PREX1: variants seen among roughly 807,000 people sequenced by gnomAD.
PREX1 encodes the protein phosphatidylinositol-3,4,5-trisphosphate dependent Rac exchange factor 1.
Under a neutral mutation model 198.3 loss-of-function variants are expected in PREX1, and 41 were observed. That is an observed-to-expected ratio of 0.21 (90% CI 0.16 to 0.27). The LOEUF is 0.27. PREX1 is among the 10% of genes least tolerant of loss of function. The probability of loss-of-function intolerance (pLI) is 1.00; values close to 1 mark genes in which losing one functional copy is unlikely to be tolerated. For missense variants in PREX1, 1,620 were observed against 2,200.7 expected (o/e 0.74, Z 5.28); for synonymous variants, 843 against 887.2 (o/e 0.95, Z 0.89).
Position 48,625,135 on chromosome 20 carries a change from C to T in PREX1, c.*750G>A, listed in dbSNP as rs1170471116. On this transcript the variant is annotated 3_prime_UTR_variant, in exon 40 of 40. Transcript: ENST00000371941. ...GTCCCCTGTTAGACAACATACCTTT[C>T]TTTGAAATGTAAAATGTCAAATATA... 2 of 152,444 alleles carry T rather than the reference C, an allele frequency of 1.3e-5. No homozygotes were observed. The highest frequency in any genetic ancestry group is 4.8e-5 in the African/African-American group (2 of 41,372). The allele number at this position is 152,444 out of a possible 1,614,324, so 9.4% of individuals were successfully genotyped here.
chr20:48,650,272 C>A, intron 23 of PREX1, 66 bp from the exon 24 acceptor site: 1 of 1,476,166 alleles, frequency 6.8e-7, no homozygotes, highest in Non-Finnish European at 9.4e-7. Flanking sequence ...GGCCCATACC[C>A]AGTACCCACT....
intron 1 of PREX1, among the ~76,000 whole-genome samples, chr20:48,790,630 C>G (rs2090334531): frequency 6.6e-6 from 1 of 152,086 alleles, no homozygotes; most frequent in Non-Finnish European, 1.5e-5. Flanking sequence ...TTAGAGCCTG[C>G]AATATGCTGA....
At chr20:48,875,578 G>T in the PREX1 span, among the ~76,000 whole-genome samples, 13 of 152,196 alleles carry the variant, frequency 8.5e-5, no homozygotes, top group Admixed American at 6.5e-4. Flanking sequence ...TGTACGTTGT[G>T]TGATGACTCT....
At chr20:48,640,449 G>A (rs1568795637) in intron 29 of PREX1, among the ~76,000 whole-genome samples, 1 of 152,224 alleles carries the variant, frequency 6.6e-6, no homozygotes, top group Non-Finnish European at 1.5e-5. Flanking sequence ...CTTTCCTCCT[G>A]CAAGGTCCCA....
In PREX1 at chr20:48,692,794, A is replaced by T. The variant is rs371934010; in HGVS notation, c.918-4T>A. 2.3e-5 allele frequency: 37 copies of T among 1,612,034 alleles called. No individual in the cohort carries two copies. The highest frequency in any genetic ancestry group is 3.1e-5 in the Non-Finnish European group (36 of 1,178,414). ...GGACTTCTTGCTCCCGGTGACCCTG[A>T]TAGACAGTGAGAAGTCAGTGTCCCC... On this transcript the variant is annotated splice_polypyrimidine_tract_variant and splice_region_variant and intron_variant, in intron 7 of 39. Coordinates refer to ENST00000371941, the MANE Select transcript of PREX1 (RefSeq NM_020820.4).
At chr20:48,886,632 G>A in the PREX1 span, among the ~76,000 whole-genome samples, 7 of 152,178 alleles carry the variant, frequency 4.6e-5, no homozygotes, top group Non-Finnish European at 8.8e-5. Context: ...GGACAAAGGC[G>A]CTCAGTCTCA....
chr20:48,818,422 A>G (rs796892975), intron 1 of PREX1, among the ~76,000 whole-genome samples: 4 of 152,378 alleles, frequency 2.6e-5, no homozygotes, highest in African/African-American at 9.6e-5. Context: ...GCGACATTCC[A>G]GGCCAGACTA....
intron 1 of PREX1, among the ~76,000 whole-genome samples, chr20:48,785,559 A>G (rs2122939778): frequency 6.6e-6 from 1 of 152,374 alleles, no homozygotes; most frequent in South Asian, 2.1e-4. Flanking sequence ...GCCTGGCACC[A>G]GATAGCAGAG....
At chr20:48,856,902 T>A in the PREX1 span, among the ~76,000 whole-genome samples, 1 of 152,240 alleles carries the variant, frequency 6.6e-6, no homozygotes, top group Non-Finnish European at 1.5e-5. Flanking sequence ...TGCAGTAGCA[T>A]GATCTCGGTT....
chr20:48,672,929 G>A (rs1264123632), intron 14 of PREX1, among the ~76,000 whole-genome samples: 1 of 152,106 alleles, frequency 6.6e-6, no homozygotes, highest in South Asian at 2.1e-4. Context: ...TCACCAGAAC[G>A]TAATATCTGG....
In PREX1 at chr20:48,676,212, A is replaced by C; in HGVS notation, c.1646T>G (p.Val549Gly). Reference protein sequence around the residue: ...YKSVLPGSKLVDWLLAQGDCQ... With the variant: ...YKSVLPGSKLGDWLLAQGDCQ... ...CCTCACCTGAGCCAGCAGCCAGTCC[A>C]CCAGCTTGCTCCCGGGAAGCACTGA... is the stretch of plus-strand genomic sequence containing the variant. Residue 549 changes from valine (V) to glycine (G), a missense_variant, in exon 14 of 40, where the codon GTG becomes GGG. Val to Gly is a moderately radical substitution (Grantham distance 109). Around this residue, in one of 7 missense-constraint regions of PREX1, gnomAD observed 488 missense variants for 802.5 expected, o/e 0.61. Coordinates refer to ENST00000371941, the MANE Select transcript of PREX1 (RefSeq NM_020820.4). 1 of 1,614,100 alleles carries C rather than the reference A, an allele frequency of 6.2e-7. No homozygotes were observed. The highest frequency in any genetic ancestry group is 8.5e-7 in the Non-Finnish European group (1 of 1,179,982).
At chr20:48,708,833 G>C (rs34240673) in intron 5 of PREX1, among the ~76,000 whole-genome samples, 1 of 151,998 alleles carries the variant, frequency 6.6e-6, no homozygotes, top group Non-Finnish European at 1.5e-5. Context: ...AAAGGAGGCA[G>C]TGTGTCTGGG....
At chr20:48,809,055 A>C (rs1247617408) in intron 1 of PREX1, among the ~76,000 whole-genome samples, 1 of 152,156 alleles carries the variant, frequency 6.6e-6, no homozygotes, top group Non-Finnish European at 1.5e-5. Flanking sequence ...GCAACGCAGG[A>C]ACACCTTCCC....
chr20:48,634,849 T>A (rs921090761), intron 32 of PREX1, 74 bp from the exon 33 acceptor site: 12 of 1,359,790 alleles, frequency 8.8e-6, no homozygotes, highest in Admixed American at 5.2e-5. Flanking sequence ...AGATGCTGAA[T>A]TCAACTCTAG....
At chr20:48,735,532 G>A (rs1329998808) in intron 3 of PREX1, among the ~76,000 whole-genome samples, 1 of 152,050 alleles carries the variant, frequency 6.6e-6, no homozygotes, top group African/African-American at 2.4e-5. Flanking sequence ...CATCTGAGCA[G>A]ACACCCTGAG....
intron 5 of PREX1, among the ~76,000 whole-genome samples, chr20:48,722,135 T>C (rs2122684299): frequency 6.6e-6 from 1 of 152,308 alleles, no homozygotes; most frequent in African/African-American, 2.4e-5. Context: ...GCCATGGGAA[T>C]GTCCACACAA....
rs73138245 is a variant in PREX1, at chr20:48,741,194, G to A, written c.414+3831C>T. Reference sequence around the variant, plus strand: ...ATATAGCAAAAATTACAAACTTAGCGTGTGAGCTGAACTGAAGAACACTGG... The same window carrying A: ...ATATAGCAAAAATTACAAACTTAGCATGTGAGCTGAACTGAAGAACACTGG... On this transcript the variant is annotated intron_variant, in intron 3 of 39. Coordinates refer to ENST00000371941, the MANE Select transcript of PREX1 (RefSeq NM_020820.4). Among the ~76,000 whole-genome samples, 347 of 152,298 alleles carry A rather than the reference G, an allele frequency of 2.3e-3. 2 individuals carry two copies. The highest frequency in any genetic ancestry group is 7.4e-3 in the African/African-American group (309 of 41,554).
At chr20:48,765,782 A>T (rs1456396829) in intron 1 of PREX1, among the ~76,000 whole-genome samples, 1 of 152,180 alleles carries the variant, frequency 6.6e-6, no homozygotes, top group Admixed American at 6.5e-5. Context: ...AGGAGTTGGG[A>T]GGCCTAAATC....
intron 1 of PREX1, among the ~76,000 whole-genome samples, chr20:48,804,413 G>A (rs961321697): frequency 2.0e-5 from 3 of 152,224 alleles, no homozygotes. Flanking sequence ...GGCTGAGAGG[G>A]AGAGGCCCAA....
Sources: gnomAD v4.1 joint callset for allele counts (sites outside exome capture counted in the v4.1 genomes callset) on GRCh38, gnomAD v4.1.1 for gene constraint, gnomAD v4.1.1 regional missense constraint, MANE v1.5 for transcripts, NCBI Gene and HGNC (gene_info 2026-07-23, HGNC 2026-07-21) for gene names.